Variants in URB1 observed in about 807,000 individuals in gnomAD.
URB1 encodes nucleolar pre-ribosomal-associated protein 1.
Under a neutral mutation model 242.3 loss-of-function variants are expected in URB1, and 197 were observed. The ratio of observed to expected loss-of-function variants is 0.81; its 90% CI spans 0.72 to 0.91. URB1 has a LOEUF of 0.91. Among genes scored for constraint, URB1 ranks in the 40% least tolerant of loss-of-function variants. The pLI is 0.00. For synonymous variants in URB1, 1,153 were observed against 1,201.8 expected, an observed-to-expected ratio of 0.96 and a Z score of 0.84; for missense variants, 2,721 against 2,860.5, an observed-to-expected ratio of 0.95 and a Z score of 1.11.
intron 30 of URB1, among the ~76,000 whole-genome samples, chr21:32,326,473 T>C (rs1009009903): frequency 6.6e-5 from 10 of 152,162 alleles, no homozygotes; most frequent in Admixed American, 5.2e-4. Flanking sequence ...AGATGAAAAC[T>C]AAAATATCTG....
chr21:32,338,128 C>T (rs775419994), intron 26 of URB1, among the ~76,000 whole-genome samples: 41 of 152,290 alleles, frequency 2.7e-4, no homozygotes, highest in East Asian at 5.8e-4. Context: ...CTAATACTTC[C>T]GGGTGTGAAT....
Position 32,345,704 on chromosome 21 carries a change from C to G in URB1, c.3869-129G>C, listed in dbSNP as rs983093551. 4 of 977,220 alleles carry G rather than the reference C, an allele frequency of 4.1e-6. No individual in the cohort carries two copies. In the African/African-American group the frequency reaches 5.0e-5, roughly 12 times the overall value. The allele number at this position is 977,220 out of a possible 1,614,324, so 60.5% of individuals were successfully genotyped here. The stretch of plus-strand genomic sequence containing the variant: ...ACCCTGGTGATGCCACACCGGTGGC[C>G]TGAAATTGGTCACGGCAGGAGTACT... On this transcript the variant is annotated intron_variant, in intron 22 of 38. Coordinates refer to ENST00000382751, the MANE Select transcript of URB1 (RefSeq NM_014825.3).
chr21:32,345,235 G>T, intron 23 of URB1, 139 bp downstream of exon 23: 2 of 952,334 alleles, frequency 2.1e-6, no homozygotes, highest in Admixed American at 2.6e-5. Context: ...ATGGCTGGAA[G>T]TAGAGTTCTC....
intron 8 of URB1, among the ~76,000 whole-genome samples, chr21:32,369,018 C>A (rs1405940825): frequency 6.6e-6 from 1 of 152,186 alleles, no homozygotes; most frequent in Non-Finnish European, 1.5e-5. Context: ...TGAGATTTTA[C>A]TGACGTTCCT....
Position 32,347,661 on chromosome 21 carries a change from G to T in URB1, c.3163C>A (p.Leu1055Met). 1 of 1,551,634 alleles carries T rather than the reference G, an allele frequency of 6.4e-7. No individual in the cohort carries two copies. Among genetic ancestry groups the T allele is most frequent in the Non-Finnish European group, 8.7e-7 (1 of 1,147,006 alleles). ...ATHFSAGVLQ[L>M]LAASAPILQN... ...AGGATCGGGGCACTTGCTGCCAGCA[G>T]CTGAAGGACCCCTGCACTAAAGTGG... The change falls in exon 22 of 39, where the codon CTG becomes ATG. Residue 1055 changes from leucine to methionine, a missense_variant. Transcript: ENST00000382751.
intron 16 of URB1, 96 bp from the exon 17 acceptor site, chr21:32,355,093 A>C: frequency 7.3e-7 from 1 of 1,366,310 alleles, no homozygotes; most frequent in South Asian, 1.5e-5. Flanking sequence ...GGCAAGTGAT[A>C]ATATGTTCAA....
intron 12 of URB1, 76 bp from the exon 13 acceptor site, chr21:32,361,199 G>GAAAC: frequency 3.3e-6 from 3 of 918,492 alleles, no homozygotes; most frequent in Non-Finnish European, 4.7e-6. Context: ...AAGAAAGAAA[G>GAAAC]AAAGAAAATA....
chr21:32,381,012 C>T (rs2033517405), intron 4 of URB1, among the ~76,000 whole-genome samples: 1 of 152,234 alleles, frequency 6.6e-6, no homozygotes, highest in Non-Finnish European at 1.5e-5. Context: ...TCCCAGACAA[C>T]TCCAAATTTC....
intron 3 of URB1, 73 bp downstream of exon 3, chr21:32,384,240 T>A (rs975542885): frequency 4.7e-6 from 7 of 1,488,130 alleles, no homozygotes; most frequent in Non-Finnish European, 3.6e-6. Context: ...ACTGACCAAA[T>A]GCACCTGCGG....
At chr21:32,353,880 G>A (rs1025403064) in intron 18 of URB1, 53 bp downstream of exon 18, 101 of 1,531,878 alleles carry the variant, frequency 6.6e-5, no homozygotes, top group Admixed American at 4.4e-4. Flanking sequence ...CTCCCACCCT[G>A]CACAGACTAG....
In URB1 at chr21:32,317,001, C is replaced by CT; in HGVS notation, c.6098dup (p.Arg2034GlufsTer11). On this transcript the variant is annotated frameshift_variant, in exon 38 of 39. Transcript: ENST00000382751. LOFTEE classifies it high-confidence loss of function. Reference sequence around the variant, plus strand: ...TCTCCTCTGCCTCCCCAGGCCTCCTCTTTCGGCCCCGTGGGCCTTTGGCTC... The same window carrying CT: ...TCTCCTCTGCCTCCCCAGGCCTCCTCTTTTCGGCCCCGTGGGCCTTTGGCTC... 2 of 1,551,594 alleles carry CT rather than the reference C, an allele frequency of 1.3e-6. No individual in the cohort carries two copies. Among genetic ancestry groups the CT allele is most frequent in the Non-Finnish European group, 1.7e-6 (2 of 1,146,956 alleles).
chr21:32,319,255 C>G lies in URB1; in HGVS notation c.5754G>C (p.Glu1918Asp). ...TGAGCACGATGAGAACATAAAGGAA[C>G]TCATTGACCAGGTGCAGGGCAAGCC... ...AKRLALHLVN[E>D]FLYVLIVLMK... The change falls in exon 36 of 39, where the codon GAG becomes GAC. Residue 1918 changes from glutamate to aspartate, a missense_variant. Coordinates refer to ENST00000382751, the MANE Select transcript of URB1 (RefSeq NM_014825.3). 1 of 1,551,188 alleles carries G rather than the reference C, an allele frequency of 6.4e-7. No individual in the cohort carries two copies. Among genetic ancestry groups the G allele is most frequent in the Non-Finnish European group, 8.7e-7 (1 of 1,146,770 alleles).
rs1405826866 is a variant in URB1, at chr21:32,347,325, C to T, written c.3499G>A (p.Asp1167Asn). The change falls in exon 22 of 39, where the codon GAT becomes AAT. Residue 1167 changes from aspartate to asparagine, a missense_variant. By Grantham distance (23) the Asp-to-Asn change is conservative. Transcript: ENST00000382751. ...AGGAGCTCACCACTCTGCAGCTGATCCTGGGGGCTGCAGGTCAGCAGCTGC... is the reference window on the plus strand; with the variant it reads ...AGGAGCTCACCACTCTGCAGCTGATTCTGGGGGCTGCAGGTCAGCAGCTGC... Reference protein sequence around the residue: ...LVQLLTCSPQDQLQSGELLWS... With the variant: ...LVQLLTCSPQNQLQSGELLWS... The T allele has an allele frequency of 3.9e-6, 6 of 1,551,204 alleles. No individual in the cohort carries two copies. Among genetic ancestry groups the T allele is most frequent in the East Asian group, 2.4e-5 (1 of 40,930 alleles).
chr21:32,368,958 AAAG>A lies in URB1; in HGVS notation c.1002-363_1002-361del, dbSNP rs2033377182. Among the ~76,000 whole-genome samples, 3 of 152,176 alleles carry A rather than the reference AAAG, an allele frequency of 2.0e-5. No individual in the cohort carries two copies. The South Asian group carries it at 6.2e-4, about 32-fold the overall frequency. On this transcript the variant is annotated intron_variant, in intron 8 of 38. Transcript: ENST00000382751. Reference sequence around the variant, plus strand: ...TCTGCCTAGAAGTCAAGGCTACTGAAAAGAAAGGACAAAACCAGCAGGGAGGAA... The same window carrying A: ...TCTGCCTAGAAGTCAAGGCTACTGAAAAAGGACAAAACCAGCAGGGAGGAA...
At chr21:32,342,668 G>GTA (rs2033043662) in intron 24 of URB1, among the ~76,000 whole-genome samples, 1 of 32 alleles carries the variant, frequency 0.031, no homozygotes, top group Non-Finnish European at 0.062. Flanking sequence ...GTGCCAACTT[G>GTA]TGAACCAGGA....
intron 28 of URB1, among the ~76,000 whole-genome samples, chr21:32,335,940 C>G (rs772685201): frequency 6.6e-6 from 1 of 152,230 alleles, no homozygotes; most frequent in Non-Finnish European, 1.5e-5. Context: ...CTGTGACTCC[C>G]TGGGCAGCCT....
chr21:32,386,983 T>C (rs929126231), intron 1 of URB1, among the ~76,000 whole-genome samples: 2 of 152,016 alleles, frequency 1.3e-5, no homozygotes, highest in Non-Finnish European at 2.9e-5. Flanking sequence ...GCACACAGAG[T>C]GTCCGTGCTG....
intron 18 of URB1, 87 bp from the exon 19 acceptor site, chr21:32,352,993 G>A: frequency 7.2e-7 from 1 of 1,380,480 alleles, no homozygotes; most frequent in Non-Finnish European, 9.6e-7. Flanking sequence ...CCACATACAG[G>A]CAAGACCCTG....
At chr21:32,317,098 T>G in intron 37 of URB1, 33 bp from the exon 38 acceptor site, 1 of 1,491,050 alleles carries the variant, frequency 6.7e-7, no homozygotes, top group South Asian at 1.4e-5. Context: ...GTAATGAGAC[T>G]GGGGTCCCTC....
Sources: allele counts gnomAD v4.1 joint callset (sites outside exome capture counted in the v4.1 genomes callset), GRCh38; gene constraint gnomAD v4.1.1; transcripts MANE v1.5; gene names NCBI Gene and HGNC (gene_info 2026-07-23, HGNC 2026-07-21).